KIR2DL4: variants seen among roughly 807,000 people sequenced by gnomAD.
KIR2DL4 encodes killer cell immunoglobulin-like receptor 2DL4.
Under a neutral mutation model 31.0 loss-of-function variants are expected in KIR2DL4, and 41 were observed. That is an observed-to-expected ratio of 1.32 (90% CI 1.03 to 1.72). The LOEUF is 1.72. Ranked by LOEUF, KIR2DL4 falls within the 40% of genes most tolerant of loss-of-function variation. The pLI is 0.00. For synonymous variants in KIR2DL4, 164 were observed against 133.6 expected (o/e 1.23, Z -1.57); for missense variants, 438 against 353.7 (o/e 1.24, Z -1.91).
exon 3 of KIR2DL4, chr19:54,805,071 G>C: frequency 1.9e-6 from 3 of 1,602,504 alleles, no homozygotes; most frequent in Non-Finnish European, 1.7e-6. Flanking sequence ...GGTGATCATG[G>C]TCACAGGTCA....
Position 54,808,791 on chromosome 19 carries a change from G to A in KIR2DL4, c.656-42G>A, listed in dbSNP as rs2060680444. 40 of 1,370,416 alleles carry A rather than the reference G, an allele frequency of 2.9e-5. 2 individuals carry two copies. The South Asian group carries it at 4.1e-4, about 14-fold the overall frequency. The allele number at this position is 1,370,416 out of a possible 1,614,324, so 84.9% of individuals were successfully genotyped here. A position where few individuals can be genotyped will look rare whatever the true frequency, so the allele number is the denominator to read the frequency against. On this transcript the variant is annotated intron_variant, in intron 4 of 7. Coordinates refer to ENST00000359085, the Ensembl canonical transcript of KIR2DL4. Reference sequence around the variant, plus strand: ...AAAGATTTCCATTGAGTAGAAGACAGGCATCCTCATTGCCACACCTCTCTC... The same window carrying A: ...AAAGATTTCCATTGAGTAGAAGACAAGCATCCTCATTGCCACACCTCTCTC...
At chr19:54,806,945 G>A (rs1056690826) in intron 4 of KIR2DL4, among the ~76,000 whole-genome samples, 3 of 150,910 alleles carry the variant, frequency 2.0e-5, no homozygotes, top group Admixed American at 6.6e-5. Context: ...AACCCAGGAG[G>A]AGGAGGTTGC....
rs1192868193 is a variant in KIR2DL4, at chr19:54,813,182, C to T, written c.764C>T (p.Thr255Ile). The change falls in exon 6 of 8, where the codon ACC (threonine) becomes ATC (isoleucine). Residue 255 changes from threonine (T) to isoleucine (I), a missense_variant. Transcript: ENST00000359085. ...TACTCAGTGGCCATCATCCTCTTTA[C>T]CATCCTTCCCTTCTTTCTCCTTCAT... 1.9e-6 allele frequency: 3 copies of T among 1,539,718 alleles called. No homozygotes were observed. In the South Asian group the frequency reaches 3.4e-5, roughly 18 times the overall value.
exon 8 of KIR2DL4, chr19:54,813,859 C>T (rs1175532361): frequency 3.1e-6 from 5 of 1,612,332 alleles, no homozygotes; most frequent in South Asian, 2.2e-5. Flanking sequence ...ATGAACAAGA[C>T]CCTCAGGAGG....
chr19:54,810,408 T>A (rs535311853), intron 5 of KIR2DL4, among the ~76,000 whole-genome samples: 1 of 151,230 alleles, frequency 6.6e-6, no homozygotes, highest in African/African-American at 2.4e-5. Context: ...ATTAGAGGCG[T>A]GAGCCAAGGC....
In KIR2DL4 at chr19:54,808,709, G is replaced by T. The variant is rs1385603872; in HGVS notation, c.656-124G>T. On this transcript the variant is annotated intron_variant, in intron 4 of 7. Coordinates refer to ENST00000359085, the Ensembl canonical transcript of KIR2DL4. ...CTACAATGATTATGGAGAATGGGAT[G>T]CCAGGACTCCCAGGGCCCAACATTA... The T allele has an allele frequency of 2.4e-5, 19 of 787,126 alleles. 1 individual carries two copies. The highest frequency in any genetic ancestry group is 4.3e-5 in the Non-Finnish European group (19 of 441,976). 48.8% of individuals were successfully genotyped at this position (787,126 alleles called of 1,614,324 possible). A position where few individuals can be genotyped will look rare whatever the true frequency, so the allele number is the denominator to read the frequency against.
intron 4 of KIR2DL4, among the ~76,000 whole-genome samples, chr19:54,807,013 C>CTAAA (rs112384686): frequency 0.31 from 42,842 of 139,452 alleles, 7,898 homozygotes; most frequent in African/African-American, 0.48. Context: ...GACTCTGTCT[C>CTAAA]TAAATAAATA....
At position 54,804,790 on chromosome 19, in the gene KIR2DL4, A is replaced by G. The variant is rs1305788359; in HGVS notation, c.77-3A>G. 18 of 1,610,958 alleles carry G rather than the reference A, an allele frequency of 1.1e-5. No individual in the cohort carries two copies. In the South Asian group the frequency reaches 1.9e-4, roughly 17 times the overall value. On this transcript the variant is annotated splice_region_variant and splice_polypyrimidine_tract_variant and intron_variant, in intron 2 of 7. Coordinates refer to ENST00000359085, the Ensembl canonical transcript of KIR2DL4. ...TCTGAGGCGGCATCTCCTTCTCCCC[A>G]AGGTGGTCAGGACAAGCCCTTCTGC...
chr19:54,804,762 C>T (rs1242076947), intron 2 of KIR2DL4, 31 bp from the exon 3 acceptor site: 4 of 1,603,520 alleles, frequency 2.5e-6, no homozygotes, highest in Non-Finnish European at 3.4e-6. Flanking sequence ...CAACATACTC[C>T]TCTCTGAGGC....
At chr19:54,813,011 T>G in intron 5 of KIR2DL4, 2 of 708,152 alleles carry the variant, frequency 2.8e-6, no homozygotes, top group Non-Finnish European at 2.3e-6. Flanking sequence ...GCCTCGTGGG[T>G]GCTTGTCTTA....
At chr19:54,814,093 A>G in exon 8 of KIR2DL4, 1 of 1,611,520 alleles carries the variant, frequency 6.2e-7, no homozygotes, top group Non-Finnish European at 8.5e-7. Context: ...GCTCTAATGT[A>G]CCAGCAGCTG....
At position 54,809,916 on chromosome 19, in the gene KIR2DL4, C is replaced by G. The variant is rs2060755812; in HGVS notation, c.706+1033C>G. Among the ~76,000 whole-genome samples the G allele has an allele frequency of 1.3e-5, 2 of 149,998 alleles. 1 individual carries two copies. The highest frequency in any genetic ancestry group is 1.3e-4 in the Admixed American group (2 of 15,026). On this transcript the variant is annotated intron_variant, in intron 5 of 7. Transcript: ENST00000359085. ...TTTTCCATGTAAAATAACATATTCA[C>G]AAGATATGGCGACTAGGACAGGAAT... is the stretch of plus-strand genomic sequence containing the variant.
chr19:54,812,131 A>G (rs1354777294), intron 5 of KIR2DL4, among the ~76,000 whole-genome samples: 1 of 151,108 alleles, frequency 6.6e-6, no homozygotes, highest in South Asian at 2.1e-4. Context: ...AACACCTCCC[A>G]TACTGCACCT....
At chr19:54,810,900 T>C (rs2060828462) in intron 5 of KIR2DL4, among the ~76,000 whole-genome samples, 2 of 151,364 alleles carry the variant, frequency 1.3e-5, no homozygotes, top group South Asian at 4.2e-4. Context: ...ATTTAGACAC[T>C]AAATGAATGA....
intron 5 of KIR2DL4, among the ~76,000 whole-genome samples, chr19:54,812,801 A>G (rs2060940670): frequency 7.0e-6 from 1 of 143,318 alleles, no homozygotes; most frequent in Non-Finnish European, 1.5e-5. Flanking sequence ...CTCTGGGGAC[A>G]GCATTAATCT....
rs1395630867 is a variant in KIR2DL4 at position 54,803,889 on chromosome 19, A to G, written c.41-2A>G. 1 of 1,609,902 alleles carries G rather than the reference A, an allele frequency of 6.2e-7. No individual in the cohort carries two copies. On this transcript the variant is annotated splice_acceptor_variant, in intron 1 of 7. Transcript: ENST00000359085. LOFTEE classifies it high-confidence loss of function. Reference sequence around the variant, plus strand: ...ATAGTTCATCATGATCTTTCTTTGCAGGGTTCTTCTTGGACCAGAGTGTGT... The same window carrying G: ...ATAGTTCATCATGATCTTTCTTTGCGGGGTTCTTCTTGGACCAGAGTGTGT...
exon 4 of KIR2DL4, chr19:54,806,063 C>T: frequency 6.2e-7 from 1 of 1,611,862 alleles, no homozygotes; most frequent in Non-Finnish European, 8.5e-7. Flanking sequence ...ACCATCTATC[C>T]AGGGAGGGGG....
At chr19:54,804,736 G>A in intron 2 of KIR2DL4, 57 bp from the exon 3 acceptor site, 17 of 1,538,958 alleles carry the variant, frequency 1.1e-5, no homozygotes, top group Non-Finnish European at 1.5e-5. Context: ...CTGAGCACAG[G>A]GAGGGAGGGG....
In KIR2DL4 at chr19:54,805,950, G is replaced by A. The variant is rs895382368; in HGVS notation, c.362-1G>A. ...GAGGAAACTGCCTCTTCTCCTTCCA[G>A]GTCTATATGAGAAACCTTCGCTTAC... is the stretch of plus-strand genomic sequence containing the variant. On this transcript the variant is annotated splice_acceptor_variant, in intron 3 of 7. Transcript: ENST00000359085. LOFTEE classifies it high-confidence loss of function. The A allele has an allele frequency of 2.8e-5, 45 of 1,602,708 alleles. 2 individuals are homozygous for A. Among genetic ancestry groups the A allele is most frequent in the Admixed American group, 3.5e-5 (2 of 57,898 alleles).
Sources: allele counts gnomAD v4.1 joint callset (sites outside exome capture counted in the v4.1 genomes callset), GRCh38; gene constraint gnomAD v4.1.1; transcripts MANE v1.5; gene names NCBI Gene and HGNC (gene_info 2026-07-23, HGNC 2026-07-21).